ABHD12: variants seen among roughly 807,000 people sequenced by gnomAD.
ABHD12 encodes the protein lysophosphatidylserine lipase ABHD12.
Under a neutral mutation model 58.3 loss-of-function variants are expected in ABHD12, and 43 were observed. The ratio of observed to expected loss-of-function variants is 0.74; its 90% confidence interval spans 0.58 to 0.95. ABHD12 has a LOEUF of 0.95. Ranked by LOEUF, ABHD12 falls within the 40% of genes least tolerant of loss-of-function variation. The probability of loss-of-function intolerance (pLI) is 0.00; values close to 1 mark genes in which losing one functional copy is unlikely to be tolerated. For missense variants in ABHD12, 539 were observed against 537.2 expected (o/e 1.00, Z -0.03); for synonymous variants, 219 against 211.2 (o/e 1.04, Z -0.32).
intron 5 of ABHD12, among the ~76,000 whole-genome samples, chr20:25,315,318 G>A (rs1353472748): frequency 6.6e-6 from 1 of 152,170 alleles, no homozygotes; most frequent in Non-Finnish European, 1.5e-5. Context: ...TCTCGGTGCT[G>A]CAGTGTGATG....
chr20:25,301,048 G>C (rs1247044794), intron 12 of ABHD12, among the ~76,000 whole-genome samples, 164 bp from the exon 13 acceptor site: 1 of 152,230 alleles, frequency 6.6e-6, no homozygotes, highest in Admixed American at 6.5e-5. Context: ...CAGTGAGTTA[G>C]GCAGGGAACA....
chr20:25,352,238 C>T (rs148085643), intron 1 of ABHD12, among the ~76,000 whole-genome samples: 1,954 of 152,002 alleles, frequency 0.013, 44 homozygotes, highest in African/African-American at 0.044. Flanking sequence ...GTGATCCACT[C>T]GCCTTGGCCT....
chr20:25,387,459 G>A (rs1475045871), intron 1 of ABHD12, among the ~76,000 whole-genome samples: 1 of 151,742 alleles, frequency 6.6e-6, no homozygotes, highest in Non-Finnish European at 1.5e-5. Context: ...TTCTCGGGAG[G>A]CTGAGGCAGG....
At chr20:25,323,823 G>A (rs2089125651) in intron 2 of ABHD12, among the ~76,000 whole-genome samples, 1 of 152,248 alleles carries the variant, frequency 6.6e-6, no homozygotes. Flanking sequence ...CCAGGAGGGA[G>A]GCTGGGGAGG....
chr20:25,390,492 C>T (rs1351927740), intron 1 of ABHD12, 21 bp downstream of exon 1: 2 of 1,351,686 alleles, frequency 1.5e-6, no homozygotes, highest in East Asian at 4.3e-5. Context: ...CCCCCCCCCC[C>T]CGCTCCGCGC....
intron 7 of ABHD12, among the ~76,000 whole-genome samples, chr20:25,308,773 G>A (rs2145933724): frequency 6.6e-6 from 1 of 152,204 alleles, no homozygotes; most frequent in East Asian, 1.9e-4. Context: ...CATTGGCCGG[G>A]CCGCCTGTCG....
intron 2 of ABHD12, among the ~76,000 whole-genome samples, chr20:25,328,517 C>T (rs2089214386): frequency 6.6e-6 from 1 of 152,236 alleles, no homozygotes; most frequent in Admixed American, 6.5e-5. Flanking sequence ...TGGGCTTCCA[C>T]TGGCTCCGCT....
chr20:25,295,758 G>A (rs960219125), downstream of ABHD12: 8 of 1,428,040 alleles, frequency 5.6e-6, no homozygotes, highest in African/African-American at 9.9e-5. Flanking sequence ...CCCAAGCTGA[G>A]TAGATTCTTG....
intron 10 of ABHD12, 84 bp downstream of exon 10, chr20:25,306,749 G>A: frequency 1.1e-6 from 1 of 948,372 alleles, no homozygotes; most frequent in South Asian, 1.4e-5. Context: ...CATCCTATTT[G>A]ATTACTGTGA....
At chr20:25,390,179 C>T (rs1451673376) in intron 1 of ABHD12, 1 of 223,050 alleles carries the variant, frequency 4.5e-6, no homozygotes, top group Non-Finnish European at 8.7e-6. Context: ...TGACTTCGGG[C>T]GGCGCCAAGC....
At chr20:25,359,265 CA>C (rs1040872750) in intron 1 of ABHD12, among the ~76,000 whole-genome samples, 11 of 147,956 alleles carry the variant, frequency 7.4e-5, no homozygotes, top group African/African-American at 1.2e-4. Context: ...ACTAAAAATA[CA>C]AAAAAAAATT....
chr20:25,307,229 G>A (rs2482915), intron 9 of ABHD12, among the ~76,000 whole-genome samples: 33 of 152,366 alleles, frequency 2.2e-4, no homozygotes, highest in African/African-American at 7.9e-4. Context: ...CCAGAAACCA[G>A]TCTTCCCGCA....
chr20:25,309,300 C>T, intron 7 of ABHD12, 146 bp downstream of exon 7: 1 of 1,216,952 alleles, frequency 8.2e-7, no homozygotes, highest in Non-Finnish European at 1.2e-6. Flanking sequence ...TCCCCTCCTG[C>T]CTCTGCCATG....
chr20:25,366,348 T>C (rs2089821023), intron 1 of ABHD12, among the ~76,000 whole-genome samples: 1 of 151,954 alleles, frequency 6.6e-6, no homozygotes, highest in South Asian at 2.1e-4. Flanking sequence ...TGATCTCGGC[T>C]TACCGCAACC....
At chr20:25,325,792 C>T (rs1241789264) in intron 2 of ABHD12, among the ~76,000 whole-genome samples, 1 of 152,124 alleles carries the variant, frequency 6.6e-6, no homozygotes, top group Non-Finnish European at 1.5e-5. Context: ...TGCAGCCAGC[C>T]AGGCGTGGTG....
At chr20:25,368,537 A>G (rs1002330393) in intron 1 of ABHD12, 11 of 1,451,990 alleles carry the variant, frequency 7.6e-6, no homozygotes, top group Admixed American at 3.3e-5. Context: ...CTCCCCGTAA[A>G]TGGACTTGCC....
chr20:25,330,475 G>A (rs1215235336), intron 2 of ABHD12, among the ~76,000 whole-genome samples: 1 of 152,252 alleles, frequency 6.6e-6, no homozygotes, highest in Non-Finnish European at 1.5e-5. Context: ...GCTCAAGGAG[G>A]TCTGCCTGCC....
At chr20:25,332,532 C>G (rs199643202) in intron 2 of ABHD12, among the ~76,000 whole-genome samples, 4 of 150,888 alleles carry the variant, frequency 2.7e-5, no homozygotes, top group Non-Finnish European at 5.9e-5. Context: ...CACACCTATT[C>G]CAAAATTGAC....
intron 1 of ABHD12, among the ~76,000 whole-genome samples, chr20:25,369,807 T>C (rs2089874679): frequency 2.0e-5 from 3 of 152,010 alleles, no homozygotes; most frequent in Admixed American, 1.3e-4. Flanking sequence ...GCCCCTGTAA[T>C]GCCAGCACTC....
Sources: gnomAD v4.1 joint callset for allele counts (sites outside exome capture counted in the v4.1 genomes callset) on GRCh38, gnomAD v4.1.1 for gene constraint, MANE v1.5 for transcripts, NCBI Gene and HGNC (gene_info 2026-07-23, HGNC 2026-07-21) for gene names.